LRRC3C: variants seen among roughly 807,000 people sequenced by gnomAD.
LRRC3C encodes the protein leucine rich repeat containing 3C, also known as leucine-rich repeat-containing protein 3C.
LRRC3C carries 11 observed loss-of-function variants against 14.8 expected under a neutral mutation model. The ratio of observed to expected loss-of-function variants is 0.74; its 90% CI spans 0.47 to 1.23. LRRC3C has a LOEUF of 1.23. Ranked by LOEUF, LRRC3C falls within the 50% of genes most tolerant of loss-of-function variation. The pLI is 0.00. For synonymous variants in LRRC3C, 149 were observed against 161.5 expected, an observed-to-expected ratio of 0.92 and a Z score of 0.59; for missense variants, 354 against 361.8, an observed-to-expected ratio of 0.98 and a Z score of 0.18.
chr17:39,942,049 A>G (rs1978955320), intron 3 of LRRC3C, among the ~76,000 whole-genome samples: 1 of 152,202 alleles, frequency 6.6e-6, no homozygotes, highest in Admixed American at 6.5e-5. Flanking sequence ...CATGGATCAC[A>G]TCTATGACCC....
chr17:39,938,898 A>C (rs1465518409), intron 2 of LRRC3C, among the ~76,000 whole-genome samples: 1 of 152,056 alleles, frequency 6.6e-6, no homozygotes, highest in Non-Finnish European at 1.5e-5. Flanking sequence ...AGGCAGGAGA[A>C]TCACTTGAAT....
intron 2 of LRRC3C, among the ~76,000 whole-genome samples, chr17:39,936,954 T>C (rs1978813608): frequency 6.7e-6 from 1 of 150,208 alleles, no homozygotes; most frequent in South Asian, 2.2e-4. Context: ...AAACCCCGTC[T>C]CTATTAAAAA....
intron 1 of LRRC3C, among the ~76,000 whole-genome samples, chr17:39,934,210 A>G (rs1978735669): frequency 6.6e-6 from 1 of 152,220 alleles, no homozygotes; most frequent in South Asian, 2.1e-4. Flanking sequence ...TCCCTGGGGA[A>G]CCAAGTGCAG....
intron 2 of LRRC3C, among the ~76,000 whole-genome samples, chr17:39,940,605 A>C (rs1978911383): frequency 9.3e-6 from 1 of 107,136 alleles, no homozygotes; most frequent in Admixed American, 1.0e-4. Flanking sequence ...TAGAAAGTGC[A>C]TTTGGACAAT....
At chr17:39,935,568 G>T (rs1978773560) in intron 1 of LRRC3C, among the ~76,000 whole-genome samples, 1 of 152,116 alleles carries the variant, frequency 6.6e-6, no homozygotes, top group South Asian at 2.1e-4. Flanking sequence ...TGGGAAGACG[G>T]CTTGAACCCA....
chr17:39,931,238 G>A lies in LRRC3C; in HGVS notation c.-175+3424G>A, dbSNP rs1320940159. 1.5e-4 allele frequency among the ~76,000 whole-genome samples: 22 copies of A among 151,528 alleles called. 1 individual carries two copies. Among genetic ancestry groups the A allele is most frequent in the Admixed American group, 1.4e-3 (22 of 15,182 alleles). On this transcript the variant is annotated intron_variant, in intron 1 of 3. Coordinates refer to ENST00000377924, the MANE Select transcript of LRRC3C (RefSeq NM_001195545.2). The stretch of plus-strand genomic sequence containing the variant: ...AGGCAGGCAGATCACAAGGTCAGGA[G>A]TTTGAGACCAGCCTGGCCAGCATGG...
At chr17:39,933,064 AAAGG>A (rs140683487) in intron 1 of LRRC3C, among the ~76,000 whole-genome samples, 5 of 149,718 alleles carry the variant, frequency 3.3e-5, no homozygotes, top group East Asian at 2.0e-4. Flanking sequence ...AAAAATAAAG[AAAGG>A]AAGGAAGGAA....
At chr17:39,938,600 C>G (rs57792450) in intron 2 of LRRC3C, among the ~76,000 whole-genome samples, 1 of 151,144 alleles carries the variant, frequency 6.6e-6, no homozygotes, top group Non-Finnish European at 1.5e-5. Context: ...ACATAGAAGG[C>G]TGAGGCAGGA....
chr17:39,932,190 G>A (rs1292192352), intron 1 of LRRC3C, among the ~76,000 whole-genome samples: 1 of 152,088 alleles, frequency 6.6e-6, no homozygotes, highest in African/African-American at 2.4e-5. Flanking sequence ...TGACACTGGT[G>A]TTCGGAAAAA....
intron 3 of LRRC3C, among the ~76,000 whole-genome samples, chr17:39,943,724 C>G (rs1978996435): frequency 6.6e-6 from 1 of 152,182 alleles, no homozygotes; most frequent in African/African-American, 2.4e-5. Context: ...GCAAGAGACC[C>G]TTTACCCAAA....
At chr17:39,941,687 G>A in intron 3 of LRRC3C, 138 bp downstream of exon 3, 1 of 744,736 alleles carries the variant, frequency 1.3e-6, no homozygotes, top group Non-Finnish European at 2.2e-6. Flanking sequence ...CAAGGATGTA[G>A]GGTATTGGTA....
At chr17:39,936,649 C>CA (rs762019861) in intron 2 of LRRC3C, among the ~76,000 whole-genome samples, 93 of 77,390 alleles carry the variant, frequency 1.2e-3, no homozygotes, top group East Asian at 2.0e-3. Context: ...CACAAAAATA[C>CA]AAAAAAAAAA....
chr17:39,944,593 G>C lies in LRRC3C; in HGVS notation c.687G>C (p.Met229Ile). Reference protein sequence around the residue: ...RSTDVALLVTMGGWLTLMVAY... With the variant: ...RSTDVALLVTIGGWLTLMVAY... ...CCGATGTGGCCCTGCTGGTCACCATGGGGGGCTGGCTGACACTCATGGTGG... is the reference window on the plus strand; with the variant it reads ...CCGATGTGGCCCTGCTGGTCACCATCGGGGGCTGGCTGACACTCATGGTGG... Residue 229 changes from methionine to isoleucine, a missense_variant, in exon 4 of 4, where the codon ATG becomes ATC. By Grantham distance (10) the Met-to-Ile change is conservative (BLOSUM62 1). Transcript: ENST00000377924. 1.3e-6 allele frequency: 2 copies of C among 1,535,402 alleles called. No homozygotes were observed. The highest frequency in any genetic ancestry group is 2.4e-5 in the South Asian group (2 of 84,016).
At chr17:39,935,490 C>T (rs1486868047) in intron 1 of LRRC3C, among the ~76,000 whole-genome samples, 1 of 152,026 alleles carries the variant, frequency 6.6e-6, no homozygotes, top group Non-Finnish European at 1.5e-5. Flanking sequence ...TGGCTCTACA[C>T]AAAAATACAA....
At position 39,944,241 on chromosome 17, in the gene LRRC3C, A is replaced by G; in HGVS notation, c.335A>G (p.His112Arg). The change falls in exon 4 of 4, where the codon CAT (histidine) becomes CGT (arginine). Residue 112 changes from histidine to arginine, a missense_variant. Transcript: ENST00000377924. Reference sequence around the variant, plus strand: ...GTCCTGGAGGAGTTGGATCTGTCCCATAATGCCCTTGCCCACCTCTCAGGG... The same window carrying G: ...GTCCTGGAGGAGTTGGATCTGTCCCGTAATGCCCTTGCCCACCTCTCAGGG... ...LPVLEELDLSHNALAHLSGAA... is the reference protein window; with the variant it reads ...LPVLEELDLSRNALAHLSGAA... The G allele has an allele frequency of 6.5e-7, 1 of 1,535,320 alleles. No homozygotes were observed. Among genetic ancestry groups the G allele is most frequent in the East Asian group, 2.4e-5 (1 of 40,896 alleles).
At chr17:39,935,202 C>G (rs1978763929) in intron 1 of LRRC3C, among the ~76,000 whole-genome samples, 1 of 152,110 alleles carries the variant, frequency 6.6e-6, no homozygotes, top group African/African-American at 2.4e-5. Flanking sequence ...CGTCCCAGAC[C>G]ACAGCCACAC....
rs183013794 is a variant in LRRC3C, at chr17:39,944,328, C to T, written c.422C>T (p.Ala141Val). ...CTCGACCTCTCTGCCAACCAGCTGG[C>T]CTCAGTGCCCGTGGAGGCCTTTGTG... ...RHLDLSANQL[A>V]SVPVEAFVGL... The change falls in exon 4 of 4, where the codon GCC becomes GTC. Residue 141 changes from alanine (A) to valine (V), a missense_variant. Coordinates refer to ENST00000377924, the MANE Select transcript of LRRC3C (RefSeq NM_001195545.2). 366 of 1,535,588 alleles carry T rather than the reference C, an allele frequency of 2.4e-4. No homozygotes were observed. The African/African-American group carries it at 4.4e-3, about 19-fold the overall frequency.
intron 3 of LRRC3C, among the ~76,000 whole-genome samples, chr17:39,942,767 T>C (rs1265818392): frequency 6.6e-6 from 1 of 151,870 alleles, no homozygotes; most frequent in African/African-American, 2.4e-5. Flanking sequence ...CCACCGAGCA[T>C]GGAAGAATGT....
intron 1 of LRRC3C, among the ~76,000 whole-genome samples, chr17:39,933,735 A>C (rs556242347): frequency 0.012 from 1,796 of 152,294 alleles, 71 homozygotes; most frequent in Non-Finnish European, 9.5e-3. Flanking sequence ...TCCGTCTCAA[A>C]AAAAAAGAAA....
Sources: allele counts gnomAD v4.1 joint callset (sites outside exome capture counted in the v4.1 genomes callset), GRCh38; gene constraint gnomAD v4.1.1; transcripts MANE v1.5; gene names NCBI Gene and HGNC (gene_info 2026-07-23, HGNC 2026-07-21).